The following C2CD5 variants were observed in gnomAD, a reference collection of about 807,000 sequenced individuals.
The protein encoded by C2CD5 is C2 calcium dependent domain containing 5, also known as C2 domain-containing protein 5.
Under a neutral mutation model 130.3 loss-of-function variants are expected in C2CD5, and 109 were observed. That is an observed-to-expected ratio of 0.84 (90% CI 0.72 to 0.98). C2CD5 has a LOEUF of 0.98. C2CD5 is among the 50% of genes least tolerant of loss of function. The probability of loss-of-function intolerance (pLI) is 0.00; values close to 1 mark genes in which losing one functional copy is unlikely to be tolerated. For missense variants in C2CD5, 996 were observed against 1,261.8 expected (o/e 0.79, Z 3.19); for synonymous variants, 454 against 429.2 (o/e 1.06, Z -0.71).
chr12:22,491,656 G>A (rs540267060), intron 11 of C2CD5, among the ~76,000 whole-genome samples: 71 of 152,056 alleles, frequency 4.7e-4, no homozygotes, highest in African/African-American at 1.7e-3. Context: ...GACAGATCAC[G>A]AGGTCAGGAG....
intron 26 of C2CD5, among the ~76,000 whole-genome samples, chr12:22,450,296 C>T (rs1208634710): frequency 1.3e-5 from 2 of 152,104 alleles, no homozygotes; most frequent in African/African-American, 4.8e-5. Context: ...AAAAAGAACA[C>T]ACTCCCTGAC....
chr12:22,458,153 A>C (rs1177945547), intron 24 of C2CD5, among the ~76,000 whole-genome samples: 3 of 152,146 alleles, frequency 2.0e-5, no homozygotes, highest in African/African-American at 4.8e-5. Flanking sequence ...CCACATACTA[A>C]ATAGTACCTT....
intron 12 of C2CD5, among the ~76,000 whole-genome samples, chr12:22,489,029 T>C (rs1170289901): frequency 1.3e-5 from 2 of 151,672 alleles, no homozygotes; most frequent in Admixed American, 6.6e-5. Context: ...GCGCCCACCA[T>C]CACACCAGGC....
At position 22,449,718 on chromosome 12, in the gene C2CD5, T is replaced by C; in HGVS notation, c.*42A>G. On this transcript the variant is annotated 3_prime_UTR_variant, in exon 27 of 27. Coordinates refer to ENST00000446597, the MANE Select transcript of C2CD5 (RefSeq NM_001286176.2). ...TAATTAATGACAAAATAACAGAGAT[T>C]GATGAATTTCATTTAGTTGAGCTCT... 6.6e-7 allele frequency: 1 copy of C among 1,508,648 alleles called. No individual in the cohort carries two copies. Among genetic ancestry groups the C allele is most frequent in the Non-Finnish European group, 9.1e-7 (1 of 1,101,260 alleles). The allele number at this position is 1,508,648 out of a possible 1,614,324, so 93.5% of individuals were successfully genotyped here.
intron 20 of C2CD5, 92 bp from the exon 21 acceptor site, chr12:22,471,003 C>T (rs577483207): frequency 6.1e-5 from 45 of 743,342 alleles, no homozygotes; most frequent in Non-Finnish European, 9.3e-5. Flanking sequence ...GAACAACCTA[C>T]ACCAAATACC....
intron 10 of C2CD5, among the ~76,000 whole-genome samples, chr12:22,503,802 G>C (rs747481895): frequency 2.0e-5 from 3 of 152,158 alleles, no homozygotes; most frequent in Non-Finnish European, 4.4e-5. Flanking sequence ...GTAAGCAACC[G>C]TGCCCAGTCA....
In C2CD5 at chr12:22,518,007, A is replaced by G; in HGVS notation, c.931T>C (p.Leu311=). 1.2e-6 allele frequency: 2 copies of G among 1,613,632 alleles called. No homozygotes were observed. Among genetic ancestry groups the G allele is most frequent in the African/African-American group, 1.3e-5 (1 of 75,012 alleles). Residue 311 remains leucine (L), a synonymous_variant, in exon 8 of 27, where the codon TTG becomes CTG. Coordinates refer to ENST00000446597, the MANE Select transcript of C2CD5 (RefSeq NM_001286176.2). The stretch of plus-strand genomic sequence containing the variant: ...TTACCAGTTTTGGGTGTCAAACTCA[A>G]ATCTGTGTCAGAAGAAGAGGACTGT... ...SRQSSSSDTD[L]SLTPKTGMGS... is the part of the protein sequence containing the mutation.
intron 26 of C2CD5, among the ~76,000 whole-genome samples, chr12:22,450,937 G>GA (rs1938459694): frequency 6.6e-6 from 1 of 152,034 alleles, no homozygotes; most frequent in Admixed American, 6.6e-5. Flanking sequence ...GAAAAAGCAG[G>GA]TGAAAGAGAC....
In C2CD5 at chr12:22,544,184, A is replaced by T; in HGVS notation, c.-29-5T>A. ...TTTCGGCCTCTTCTTGGGCTCCTGC[A>T]GAAACAAACAAACGAGTCTGCGCCG... On this transcript the variant is annotated splice_polypyrimidine_tract_variant and splice_region_variant and intron_variant, in intron 1 of 26. Coordinates refer to ENST00000446597, the MANE Select transcript of C2CD5 (RefSeq NM_001286176.2). 1 of 1,601,036 alleles carries T rather than the reference A, an allele frequency of 6.2e-7. No individual in the cohort carries two copies. Among genetic ancestry groups the T allele is most frequent in the South Asian group, 1.1e-5 (1 of 90,792 alleles).
At chr12:22,517,004 C>T (rs1949790774) in intron 8 of C2CD5, among the ~76,000 whole-genome samples, 2 of 151,794 alleles carry the variant, frequency 1.3e-5, no homozygotes, top group Non-Finnish European at 2.9e-5. Context: ...TTATATTTTA[C>T]GACTTCATTT....
intron 7 of C2CD5, chr12:22,519,195 T>C (rs1182304046): frequency 6.5e-7 from 1 of 1,535,762 alleles, no homozygotes; most frequent in African/African-American, 1.4e-5. Context: ...TGGGCTGTTG[T>C]GAGTCGAGCG....
chr12:22,486,611 T>C (rs555744235), intron 12 of C2CD5, among the ~76,000 whole-genome samples: 1 of 152,320 alleles, frequency 6.6e-6, no homozygotes, highest in South Asian at 2.1e-4. Flanking sequence ...ATACTCAATA[T>C]AATTAAACAT....
intron 26 of C2CD5, among the ~76,000 whole-genome samples, chr12:22,452,243 C>T (rs142273304): frequency 1.3e-5 from 2 of 152,204 alleles, no homozygotes; most frequent in Non-Finnish European, 2.9e-5. Flanking sequence ...CTAATAGATG[C>T]GTTCTTTACG....
Position 22,528,431 on chromosome 12 carries a change from T to C in C2CD5, c.178-539A>G, listed in dbSNP as rs1456069677. 2.6e-5 allele frequency among the ~76,000 whole-genome samples: 4 copies of C among 152,218 alleles called. No individual in the cohort carries two copies. In the East Asian group the frequency reaches 5.8e-4, roughly 22 times the overall value. ...TTTAGTCATTATCGAGTTGTTATCA[T>C]ATGCCAAACACTGTGCCAAACAGAG... On this transcript the variant is annotated intron_variant, in intron 3 of 26. Transcript: ENST00000446597.
chr12:22,527,831 T>TA lies in C2CD5; in HGVS notation c.238dup (p.Tyr80LeufsTer5), dbSNP rs777396772. The TA allele has an allele frequency of 6.2e-7, 1 of 1,611,668 alleles. No homozygotes were observed. Among genetic ancestry groups the TA allele is most frequent in the African/African-American group, 1.3e-5 (1 of 74,964 alleles). On this transcript the variant is annotated frameshift_variant, in exon 4 of 27. Transcript: ENST00000446597. LOFTEE classifies it high-confidence loss of function. ...TTTACCAATGGCATCATTTGCACTG[T>TA]AAGTATCATGGTCAAGAACTGTGAT...
intron 10 of C2CD5, among the ~76,000 whole-genome samples, chr12:22,499,713 AATC>A (rs1320271485): frequency 6.6e-6 from 1 of 152,190 alleles, no homozygotes; most frequent in Non-Finnish European, 1.5e-5. Context: ...ATGCACTTCC[AATC>A]CTAGAATGTC....
intron 5 of C2CD5, 85 bp downstream of exon 5, chr12:22,525,525 T>C: frequency 1.3e-6 from 1 of 779,058 alleles, no homozygotes; most frequent in Non-Finnish European, 2.3e-6. Flanking sequence ...ATAGCTTTTC[T>C]ACTTGCCTTC....
intron 7 of C2CD5, among the ~76,000 whole-genome samples, chr12:22,519,394 T>C (rs1394742882): frequency 6.6e-6 from 1 of 151,998 alleles, no homozygotes; most frequent in East Asian, 1.9e-4. Flanking sequence ...AATTGAAAAA[T>C]AGCTAAATAT....
chr12:22,544,004 G>C, intron 2 of C2CD5, 57 bp downstream of exon 2: 1 of 1,332,844 alleles, frequency 7.5e-7, no homozygotes, highest in South Asian at 1.2e-5. Context: ...GAGGTGGGTA[G>C]ATCCTTCACA....
Sources: allele counts gnomAD v4.1 joint callset (sites outside exome capture counted in the v4.1 genomes callset), GRCh38; gene constraint gnomAD v4.1.1; transcripts MANE v1.5; gene names NCBI Gene and HGNC (gene_info 2026-07-23, HGNC 2026-07-21).